The following CSMD3 variants were observed in gnomAD, a reference collection of about 807,000 sequenced individuals.
The protein encoded by CSMD3 is CUB and Sushi multiple domains 3, also known as CUB and sushi domain-containing protein 3.
CSMD3 carries 177 observed loss-of-function variants against 435.2 expected under a neutral mutation model. That is an observed-to-expected ratio of 0.41 (90% confidence interval 0.36 to 0.46). The LOEUF (loss-of-function observed/expected upper bound fraction) is 0.46. Ranked by LOEUF, CSMD3 falls within the 20% of genes least tolerant of loss-of-function variation. CSMD3 has a pLI of 0.34. For missense variants in CSMD3, 4,265 were observed against 4,504.6 expected (o/e 0.95, Z 1.52); for synonymous variants, 1,656 against 1,520.5 (o/e 1.09, Z -2.07).
intron 5 of CSMD3, among the ~76,000 whole-genome samples, chr8:113,033,639 C>T (rs752508318): frequency 2.7e-5 from 4 of 148,214 alleles, no homozygotes; most frequent in Admixed American, 6.8e-5. Context: ...GTGGAAGGGA[C>T]TTGCCATGTC....
chr8:113,039,184 TA>T (rs991496961), intron 5 of CSMD3, among the ~76,000 whole-genome samples: 5 of 151,482 alleles, frequency 3.3e-5, no homozygotes, highest in African/African-American at 9.7e-5. Context: ...GCTACCATAG[TA>T]AAAAAAAATT....
chr8:112,809,951 C>G (rs1049013471), intron 12 of CSMD3, among the ~76,000 whole-genome samples: 1 of 152,156 alleles, frequency 6.6e-6, no homozygotes, highest in Non-Finnish European at 1.5e-5. Flanking sequence ...AGGAGCTTAA[C>G]TTCAACAAGA....
At chr8:113,393,486 A>G (rs1164009603) in intron 1 of CSMD3, among the ~76,000 whole-genome samples, 1 of 152,132 alleles carries the variant, frequency 6.6e-6, no homozygotes, top group Non-Finnish European at 1.5e-5. Context: ...AACATATTTC[A>G]TGATAAGGTA....
chr8:113,314,726 T>C lies in CSMD3; in HGVS notation c.246A>G (p.Pro82=), dbSNP rs2093896286. The change falls in exon 2 of 71, where the codon CCA becomes CCG. Residue 82 remains proline (P), a synonymous_variant. Transcript: ENST00000297405. ...LNGTIESPGF[P]YGYPNGANCT... ...AGTTTGCACCATTTGGATATCCATATGGAAAACCAGGGCTTTCTATAGTGC... is the reference window on the plus strand; with the variant it reads ...AGTTTGCACCATTTGGATATCCATACGGAAAACCAGGGCTTTCTATAGTGC... 6.2e-6 allele frequency: 10 copies of C among 1,613,222 alleles called. No individual in the cohort carries two copies. Among genetic ancestry groups the C allele is most frequent in the Non-Finnish European group, 8.5e-6 (10 of 1,179,548 alleles).
At chr8:112,281,418 T>G in intron 58 of CSMD3, 68 bp from the exon 59 acceptor site, 1 of 1,231,310 alleles carries the variant, frequency 8.1e-7, no homozygotes, top group South Asian at 1.2e-5. Flanking sequence ...AAAAAGTTAA[T>G]GACTAAACGA....
chr8:112,602,540 T>A (rs1832442383), intron 22 of CSMD3, among the ~76,000 whole-genome samples: 1 of 141,710 alleles, frequency 7.1e-6, no homozygotes, highest in Non-Finnish European at 1.5e-5. Context: ...CACTCCAGCC[T>A]GGGCAACAAG....
intron 53 of CSMD3, 136 bp downstream of exon 53, chr8:112,301,657 G>A: frequency 1.5e-6 from 1 of 681,462 alleles, no homozygotes; most frequent in Non-Finnish European, 2.6e-6. Context: ...CATTTTTAAA[G>A]ATAAGTATTT....
chr8:112,404,202 T>A lies in CSMD3; in HGVS notation c.5809+2322A>T, dbSNP rs958167146. Reference sequence around the variant, plus strand: ...GTCCTGATTTAAATGGTAAAAAAAATATATTTTACTTAAAGCAAATATATT... The same window carrying A: ...GTCCTGATTTAAATGGTAAAAAAAAAATATTTTACTTAAAGCAAATATATT... On this transcript the variant is annotated intron_variant, in intron 35 of 70. Coordinates refer to ENST00000297405, the MANE Select transcript of CSMD3 (RefSeq NM_198123.2). Among the ~76,000 whole-genome samples, 116 of 152,164 alleles carry A rather than the reference T, an allele frequency of 7.6e-4. 1 individual carries two copies. Among genetic ancestry groups the A allele is most frequent in the African/African-American group, 2.5e-3 (104 of 41,524 alleles).
intron 3 of CSMD3, among the ~76,000 whole-genome samples, chr8:113,185,026 G>C (rs539394993): frequency 2.6e-5 from 4 of 151,990 alleles, no homozygotes; most frequent in Non-Finnish European, 5.9e-5. Context: ...CTAGTGGGTA[G>C]CACGTGCTTC....
intron 5 of CSMD3, among the ~76,000 whole-genome samples, chr8:113,096,547 G>A (rs2131536399): frequency 6.6e-6 from 1 of 152,024 alleles, no homozygotes; most frequent in Non-Finnish European, 1.5e-5. Context: ...CCACACGGTA[G>A]CCACAGTGAC....
chr8:113,099,443 G>C (rs2090267057), intron 4 of CSMD3, among the ~76,000 whole-genome samples: 1 of 152,010 alleles, frequency 6.6e-6, no homozygotes. Flanking sequence ...TCAATGGTAT[G>C]TTTCAGAAGT....
chr8:112,727,043 G>A (rs1464554370), intron 13 of CSMD3, among the ~76,000 whole-genome samples: 2 of 151,284 alleles, frequency 1.3e-5, no homozygotes, highest in Non-Finnish European at 3.0e-5. Context: ...TCATTCTTCA[G>A]GTATTTATTT....
chr8:112,624,702 G>T (rs1187890799), intron 22 of CSMD3, among the ~76,000 whole-genome samples: 4 of 152,028 alleles, frequency 2.6e-5, no homozygotes, highest in East Asian at 3.9e-4. Flanking sequence ...AAAAGTACTA[G>T]CAAGGTATCA....
chr8:113,335,007 G>T lies in CSMD3; in HGVS notation c.179-20214C>A, dbSNP rs73341916. Among the ~76,000 whole-genome samples, 439 of 152,132 alleles carry T rather than the reference G, an allele frequency of 2.9e-3. 2 individuals carry two copies. Among genetic ancestry groups the T allele is most frequent in the African/African-American group, 9.7e-3 (404 of 41,512 alleles). On this transcript the variant is annotated intron_variant, in intron 1 of 70. Transcript: ENST00000297405. ...TGTTGGAGGTGGGGCCTGATGGGAG[G>T]TGATTGAATCATATGAGTGGTTTTT...
chr8:113,322,246 T>C (rs1450092903), intron 1 of CSMD3, among the ~76,000 whole-genome samples: 1 of 152,190 alleles, frequency 6.6e-6, no homozygotes, highest in East Asian at 1.9e-4. Context: ...TATATATGTA[T>C]GCATTTCTAT....
intron 13 of CSMD3, among the ~76,000 whole-genome samples, chr8:112,705,515 A>T (rs185333055): frequency 2.1e-3 from 323 of 152,128 alleles, no homozygotes; most frequent in African/African-American, 7.7e-3. Flanking sequence ...TACATTTAAA[A>T]TTTTTATAAA....
chr8:112,883,672 TC>T (rs1441270545), intron 10 of CSMD3, among the ~76,000 whole-genome samples: 1 of 151,962 alleles, frequency 6.6e-6, no homozygotes, highest in Non-Finnish European at 1.5e-5. Context: ...GGTACATTTG[TC>T]AAAACTAAGA....
At position 112,598,883 on chromosome 8, in the gene CSMD3, G is replaced by C. The variant is rs1207426969; in HGVS notation, c.3716-11648C>G. 3.9e-5 allele frequency among the ~76,000 whole-genome samples: 6 copies of C among 152,222 alleles called. No individual in the cohort carries two copies. In the South Asian group the frequency reaches 1.0e-3, roughly 26 times the overall value. On this transcript the variant is annotated intron_variant, in intron 22 of 70. Coordinates refer to ENST00000297405, the MANE Select transcript of CSMD3 (RefSeq NM_198123.2). Reference sequence around the variant, plus strand: ...AAAAATCAATTCAAGATGGATTAAAGACTTAAACGTTAGACCTAAAACCAT... The same window carrying C: ...AAAAATCAATTCAAGATGGATTAAACACTTAAACGTTAGACCTAAAACCAT...
chr8:113,363,500 G>T lies in CSMD3; in HGVS notation c.179-48707C>A, dbSNP rs564407508. On this transcript the variant is annotated intron_variant, in intron 1 of 70. Coordinates refer to ENST00000297405, the MANE Select transcript of CSMD3 (RefSeq NM_198123.2). ...GAGACCAGAAATTTAACACCAATTT[G>T]ACTAGGATGTATTTCAGAAGGGCCT... Among the ~76,000 whole-genome samples, 10 of 152,224 alleles carry T rather than the reference G, an allele frequency of 6.6e-5. No individual in the cohort carries two copies. In the South Asian group the frequency reaches 2.1e-3, roughly 32 times the overall value.
Sources: allele counts gnomAD v4.1 joint callset (sites outside exome capture counted in the v4.1 genomes callset), GRCh38; gene constraint gnomAD v4.1.1; transcripts MANE v1.5; gene names NCBI Gene and HGNC (gene_info 2026-07-23, HGNC 2026-07-21).